The following NALF1 variants were observed in gnomAD, a reference collection of about 807,000 sequenced individuals.
The protein encoded by NALF1 is family with sequence similarity 155 member A.
A neutral mutation model predicts 48.4 loss-of-function variants in NALF1; 3 were observed. The observed-to-expected ratio is 0.06, with a 90% CI of 0.03 to 0.16. The LOEUF is 0.16. Ranked by LOEUF, NALF1 falls within the 10% of genes least tolerant of loss-of-function variation. NALF1 has a pLI of 1.00. For synonymous variants in NALF1, 262 were observed against 245.7 expected (o/e 1.07, Z -0.62); for missense variants, 526 against 571.5 (o/e 0.92, Z 0.81).
chr13:107,815,433 T>C (rs1879134604), intron 1 of NALF1, among the ~76,000 whole-genome samples: 1 of 152,022 alleles, frequency 6.6e-6, no homozygotes, highest in African/African-American at 2.4e-5. Context: ...CAGCAATCAC[T>C]GAGATAAAAA....
chr13:107,734,076 G>C (rs1432624889), intron 1 of NALF1, among the ~76,000 whole-genome samples: 1 of 152,064 alleles, frequency 6.6e-6, no homozygotes, highest in Admixed American at 6.6e-5. Flanking sequence ...CCTAAACATA[G>C]AAAAAGTAAT....
chr13:107,846,642 A>T (rs1305911783), intron 1 of NALF1, among the ~76,000 whole-genome samples: 1 of 152,262 alleles, frequency 6.6e-6, no homozygotes, highest in Non-Finnish European at 1.5e-5. Context: ...TAGAAGAATT[A>T]GAAGAATATC....
intron 1 of NALF1, among the ~76,000 whole-genome samples, chr13:107,708,633 A>G (rs146151509): frequency 3.9e-4 from 59 of 152,366 alleles, no homozygotes; most frequent in African/African-American, 1.3e-3. Context: ...GAGTTTACAA[A>G]TATGCTATTG....
rs771557869 is a variant in NALF1, at chr13:107,193,285, G to A, written c.1087+17299C>T. Among the ~76,000 whole-genome samples, 19 of 152,146 alleles carry A rather than the reference G, an allele frequency of 1.2e-4. 1 individual carries two copies. The highest frequency in any genetic ancestry group is 7.4e-5 in the Non-Finnish European group (5 of 67,970). On this transcript the variant is annotated intron_variant, in intron 2 of 2. Coordinates refer to ENST00000375915, the MANE Select transcript of NALF1 (RefSeq NM_001080396.3). Reference sequence around the variant, plus strand: ...GCTTTTTAGGATATGTGAACAAAACGGCTAGAATTTTCAGAGACCGTTTTT... The same window carrying A: ...GCTTTTTAGGATATGTGAACAAAACAGCTAGAATTTTCAGAGACCGTTTTT...
intron 1 of NALF1, among the ~76,000 whole-genome samples, chr13:107,623,098 G>A (rs558912734): frequency 3.9e-5 from 6 of 152,110 alleles, no homozygotes; most frequent in Non-Finnish European, 5.9e-5. Context: ...TTATAATGGT[G>A]TCAGTCACCT....
intron 1 of NALF1, among the ~76,000 whole-genome samples, chr13:107,470,178 T>A (rs190266364): frequency 2.0e-5 from 3 of 152,154 alleles, no homozygotes; most frequent in Non-Finnish European, 2.9e-5. Context: ...TCTGGAAAGG[T>A]CTAATGGTCC....
At chr13:107,467,321 C>CTTTTATTACTAAGAGACTAAGGTTA (rs1885020642) in intron 1 of NALF1, among the ~76,000 whole-genome samples, 1 of 151,328 alleles carries the variant, frequency 6.6e-6, no homozygotes, top group Non-Finnish European at 1.5e-5. Flanking sequence ...TAGATATATA[C>CTTTTATTACTAAGAGACTAAGGTTA]TTTCATTACT....
In NALF1 at chr13:107,867,255, C is replaced by G. The variant is rs1188612453; in HGVS notation, c.-659G>C. The stretch of plus-strand genomic sequence containing the variant: ...CCAGAGTCCGGAGCCTGGGCTGCCT[C>G]CGGCGGGGCGCTCCCTCCCCCCCAC... On this transcript the variant is annotated 5_prime_UTR_variant, in exon 1 of 3. Coordinates refer to ENST00000375915, the MANE Select transcript of NALF1 (RefSeq NM_001080396.3). The surrounding 1 kb of genome is among the most constrained non-coding windows in gnomAD (Gnocchi z 4.4). Among the ~76,000 whole-genome samples the G allele has an allele frequency of 6.7e-6, 1 of 150,082 alleles. No individual in the cohort carries two copies. Among genetic ancestry groups the G allele is most frequent in the East Asian group, 2.0e-4 (1 of 5,030 alleles).
chr13:107,747,104 C>T (rs1876801930), intron 1 of NALF1, among the ~76,000 whole-genome samples: 1 of 152,182 alleles, frequency 6.6e-6, no homozygotes, highest in African/African-American at 2.4e-5. Flanking sequence ...AGCCCACATG[C>T]ATGTACGTTA....
At chr13:107,380,895 A>G (rs1016234586) in intron 1 of NALF1, among the ~76,000 whole-genome samples, 16 of 150,298 alleles carry the variant, frequency 1.1e-4, no homozygotes, top group South Asian at 2.1e-4. Flanking sequence ...GGAGAATGGC[A>G]TGAACCTGGG....
intron 1 of NALF1, among the ~76,000 whole-genome samples, chr13:107,349,656 A>T (rs754145759): frequency 2.0e-5 from 3 of 150,800 alleles, no homozygotes; most frequent in Non-Finnish European, 2.9e-5. Context: ...CAGAGGAATC[A>T]CTTGAACCTG....
chr13:107,732,435 T>C (rs943393147), intron 1 of NALF1, among the ~76,000 whole-genome samples: 3 of 151,982 alleles, frequency 2.0e-5, no homozygotes, highest in Admixed American at 6.6e-5. Flanking sequence ...CATGAAAAAA[T>C]GTATTAGTTA....
chr13:107,505,787 T>C (rs1479803520), intron 1 of NALF1, among the ~76,000 whole-genome samples: 4 of 152,184 alleles, frequency 2.6e-5, no homozygotes, highest in African/African-American at 9.7e-5. Flanking sequence ...AGCATAACTT[T>C]GGAAGTTACC....
intron 1 of NALF1, among the ~76,000 whole-genome samples, chr13:107,375,529 T>C (rs1324670545): frequency 2.0e-5 from 3 of 152,142 alleles, no homozygotes; most frequent in Non-Finnish European, 4.4e-5. Flanking sequence ...ATTTCAGTTA[T>C]GATTAACTGC....
At chr13:107,194,008 TTATCTATC>T (rs71772534) in intron 2 of NALF1, among the ~76,000 whole-genome samples, 44,895 of 138,812 alleles carry the variant, frequency 0.32, 7,289 homozygotes, top group Middle Eastern at 0.38. Flanking sequence ...CCTATCTATC[TTATCTATC>T]TATCTATCTA....
intron 2 of NALF1, among the ~76,000 whole-genome samples, chr13:107,204,292 G>T (rs1026269716): frequency 6.6e-6 from 1 of 152,186 alleles, no homozygotes; most frequent in African/African-American, 2.4e-5. Context: ...TGCGCCTGCC[G>T]CTCCGCAAGC....
chr13:107,372,676 G>A (rs145166343), intron 1 of NALF1, among the ~76,000 whole-genome samples: 244 of 152,262 alleles, frequency 1.6e-3, no homozygotes, highest in African/African-American at 5.6e-3. Context: ...AATTAGATAA[G>A]ATAATAGAAA....
At chr13:107,412,542 CAT>C (rs534090605) in intron 1 of NALF1, among the ~76,000 whole-genome samples, 29 of 152,250 alleles carry the variant, frequency 1.9e-4, no homozygotes, top group East Asian at 7.8e-4. Context: ...ACCAGTACCA[CAT>C]GTTTTCATGA....
chr13:107,215,505 G>T (rs891751838), intron 1 of NALF1, among the ~76,000 whole-genome samples: 2 of 131,004 alleles, frequency 1.5e-5, no homozygotes, highest in East Asian at 5.8e-4. Flanking sequence ...TCTTAATGAA[G>T]ATTTTTTTTT....
Sources: gnomAD v4.1 joint callset for allele counts (sites outside exome capture counted in the v4.1 genomes callset) on GRCh38, gnomAD v4.1.1 for gene constraint, Gnocchi (gnomAD v3.1) non-coding constraint, MANE v1.5 for transcripts, NCBI Gene and HGNC (gene_info 2026-07-23, HGNC 2026-07-21) for gene names.